The following NHSL2 variants were observed in gnomAD, a reference collection of about 807,000 sequenced individuals.
The protein encoded by NHSL2 is NHS-like protein 2.
Under a neutral mutation model 53.4 loss-of-function variants are expected in NHSL2, and 27 were observed. The ratio of observed to expected loss-of-function variants is 0.51; its 90% CI spans 0.37 to 0.70. NHSL2 has a LOEUF of 0.70. NHSL2 is among the 30% of genes least tolerant of loss of function. The pLI is 0.00. For synonymous variants in NHSL2, 408 were observed against 404.1 expected (o/e 1.01, Z -0.12); for missense variants, 892 against 980.1 (o/e 0.91, Z 1.20).
rs766728698 is a variant in NHSL2, at chrX:72,109,717, T to G, written c.281-22362T>G. Among the ~76,000 whole-genome samples, 580 of 111,476 alleles carry G rather than the reference T, an allele frequency of 5.2e-3. 4 individuals are homozygous for G. Among genetic ancestry groups the G allele is most frequent in the African/African-American group, 0.018 (557 of 30,610 alleles). The stretch of plus-strand genomic sequence containing the variant: ...CTCCTGACCTCATGATCCGCCCGCC[T>G]CAGCCTCCCAAAGTGCTGGGATTAC... On this transcript the variant is annotated intron_variant, in intron 1 of 7. Coordinates refer to ENST00000633930, the MANE Select transcript of NHSL2 (RefSeq NM_001013627.3).
chrX:72,071,663 G>A (rs1027643932), intron 1 of NHSL2, among the ~76,000 whole-genome samples: 6 of 110,712 alleles, frequency 5.4e-5, no homozygotes, highest in Non-Finnish European at 5.7e-5. Flanking sequence ...AGCCCCGATT[G>A]AACACTCACT....
rs2042485257 is a variant in NHSL2 at position 72,148,840 on chromosome X, ATGTGTGTGTGTGTGT to A, written c.*5267_*5281del. On this transcript the variant is annotated 3_prime_UTR_variant, in exon 8 of 8. Transcript: ENST00000633930. ...GGAGAAAGAGAGAGAGAGAGAGTGT[ATGTGTGTGTGTGTGT>A]GTGTGTGTGTGTGTGTGTGTGTGTA... 1 of 85,960 alleles carries A rather than the reference ATGTGTGTGTGTGTGT, an allele frequency of 1.2e-5. No homozygotes were observed. Among genetic ancestry groups the A allele is most frequent in the East Asian group, 4.1e-4 (1 of 2,448 alleles). The allele number at this position is 85,960 out of a possible 1,213,427, so 7.1% of individuals were successfully genotyped here.
intron 1 of NHSL2, among the ~76,000 whole-genome samples, chrX:72,082,411 G>A (rs747360147): frequency 1.8e-5 from 2 of 111,891 alleles, no homozygotes; most frequent in Non-Finnish European, 3.8e-5. Context: ...TTTAGCAGGA[G>A]TCCAGGAGGC....
intron 1 of NHSL2, among the ~76,000 whole-genome samples, chrX:71,923,404 T>G (rs2041669555): frequency 8.9e-6 from 1 of 112,273 alleles, no homozygotes; most frequent in African/African-American, 3.2e-5. Context: ...AAGGTACTTC[T>G]TCCTCCATGT....
intron 1 of NHSL2, among the ~76,000 whole-genome samples, chrX:71,998,509 C>T (rs1453849924): frequency 4.5e-5 from 5 of 111,565 alleles, no homozygotes; most frequent in African/African-American, 1.6e-4. Context: ...ATATCATCAC[C>T]ACCTCATCCT....
At position 72,090,819 on chromosome X, in the gene NHSL2, G is replaced by A. The variant is rs930017923; in HGVS notation, c.281-41260G>A. ...TGTGTGTGTGTGTGTATGGAGAGGGGGTGGGGAAGAAAGATAGAGAAAGAT... is the reference window on the plus strand; with the variant it reads ...TGTGTGTGTGTGTGTATGGAGAGGGAGTGGGGAAGAAAGATAGAGAAAGAT... On this transcript the variant is annotated intron_variant, in intron 1 of 7. Transcript: ENST00000633930. 3.7e-5 allele frequency among the ~76,000 whole-genome samples: 4 copies of A among 107,038 alleles called. No homozygotes were observed. In the Admixed American group the frequency reaches 4.0e-4, roughly 11 times the overall value. 92.9% of individuals were successfully genotyped at this position (107,038 alleles called of 115,157 possible). A position where few individuals can be genotyped will look rare whatever the true frequency, so the allele number is the denominator to read the frequency against.
intron 1 of NHSL2, among the ~76,000 whole-genome samples, chrX:72,009,677 A>G (rs986588566): frequency 1.8e-5 from 2 of 112,420 alleles, no homozygotes; most frequent in Admixed American, 9.4e-5. Context: ...TGTTCTTCCT[A>G]GCACTTAATA....
intron 2 of NHSL2, 192 bp from the exon 3 acceptor site, chrX:72,133,899 G>A (rs1569483381): frequency 2.5e-6 from 1 of 399,675 alleles, no homozygotes; most frequent in Admixed American, 4.4e-5. Context: ...TCTTCTCCTC[G>A]ATCCTCATGG....
intron 1 of NHSL2, among the ~76,000 whole-genome samples, chrX:72,041,765 G>A (rs1430426762): frequency 1.8e-5 from 2 of 112,185 alleles, no homozygotes; most frequent in Non-Finnish European, 1.9e-5. Context: ...AAACAATCAG[G>A]GGAGGGTTTC....
chrX:71,971,279 A>T (rs779535877), intron 1 of NHSL2, among the ~76,000 whole-genome samples: 1 of 111,823 alleles, frequency 8.9e-6, no homozygotes, highest in Admixed American at 9.5e-5. Context: ...AGACACAGAA[A>T]CTTTATTTTT....
intron 1 of NHSL2, chrX:72,131,100 C>G: frequency 8.3e-7 from 1 of 1,206,823 alleles, no homozygotes; most frequent in Admixed American, 2.2e-5. Flanking sequence ...GCCGCTCCAG[C>G]GGTGCCAGAG....
chrX:72,074,136 G>A (rs139970886), intron 1 of NHSL2, among the ~76,000 whole-genome samples: 178 of 109,938 alleles, frequency 1.6e-3, no homozygotes, highest in African/African-American at 5.5e-3. Flanking sequence ...CCCTCTCCCC[G>A]CAAGCAACCG....
intron 1 of NHSL2, among the ~76,000 whole-genome samples, chrX:72,126,415 G>A (rs1253631974): frequency 2.7e-5 from 3 of 111,449 alleles, no homozygotes; most frequent in African/African-American, 9.8e-5. Flanking sequence ...TTCTCTCTAA[G>A]CCTCAGTGTC....
intron 1 of NHSL2, among the ~76,000 whole-genome samples, chrX:72,055,331 C>G (rs776132622): frequency 1.8e-5 from 2 of 112,220 alleles, no homozygotes; most frequent in South Asian, 7.3e-4. Context: ...AACGCGAGCG[C>G]TAAATTACTT....
chrX:72,052,837 C>CA (rs1315228913), intron 1 of NHSL2, among the ~76,000 whole-genome samples: 2 of 111,811 alleles, frequency 1.8e-5, no homozygotes, highest in African/African-American at 6.5e-5. Context: ...CTGCTCCCCC[C>CA]AGCCCCTCTG....
chrX:71,946,004 A>G (rs1198020736), intron 1 of NHSL2, among the ~76,000 whole-genome samples: 3 of 112,373 alleles, frequency 2.7e-5, no homozygotes, highest in Non-Finnish European at 5.6e-5. Flanking sequence ...CTACTCCAAG[A>G]CAAGCCTCAG....
At chrX:71,949,392 G>A (rs1045602253) in intron 1 of NHSL2, among the ~76,000 whole-genome samples, 3 of 111,015 alleles carry the variant, frequency 2.7e-5, no homozygotes, top group African/African-American at 9.8e-5. Context: ...AACAAAGGGT[G>A]GGAAAGACAC....
chrX:72,105,322 G>A (rs753756684), intron 1 of NHSL2, among the ~76,000 whole-genome samples: 3 of 111,393 alleles, frequency 2.7e-5, no homozygotes, highest in Admixed American at 9.5e-5. Context: ...TAGTCACTCA[G>A]GAAATGCAAC....
intron 1 of NHSL2, among the ~76,000 whole-genome samples, chrX:71,990,286 G>C (rs1286697204): frequency 9.0e-6 from 1 of 111,506 alleles, no homozygotes; most frequent in Non-Finnish European, 1.9e-5. Flanking sequence ...TCCATACTGA[G>C]GAAGGAGAGG....
Sources: gnomAD v4.1 joint callset for allele counts (sites outside exome capture counted in the v4.1 genomes callset) on GRCh38, gnomAD v4.1.1 for gene constraint, MANE v1.5 for transcripts, NCBI Gene and HGNC (gene_info 2026-07-23, HGNC 2026-07-21) for gene names.